The following DDX25 variants were observed in gnomAD, a reference collection of about 807,000 sequenced individuals.
The protein encoded by DDX25 is DEAD-box helicase 25, also known as ATP-dependent RNA helicase DDX25.
A neutral mutation model predicts 64.6 loss-of-function variants in DDX25; 70 were observed. The observed-to-expected ratio is 1.08, with a 90% CI of 0.89 to 1.32. The LOEUF is 1.32. DDX25 is among the 40% of genes most tolerant of loss of function. DDX25 has a pLI of 0.00. For synonymous variants in DDX25, 211 were observed against 213.3 expected (o/e 0.99, Z 0.09); for missense variants, 587 against 604.4 (o/e 0.97, Z 0.30).
At chr11:125,917,445 T>C (rs891878124) in intron 9 of DDX25, among the ~76,000 whole-genome samples, 194 bp downstream of exon 9, 2 of 152,234 alleles carry the variant, frequency 1.3e-5, no homozygotes, top group Admixed American at 6.5e-5. Flanking sequence ...AGTAATGGAA[T>C]AGGATCTTCA....
Position 125,923,572 on chromosome 11 carries a change from C to T in DDX25, c.*691C>T, listed in dbSNP as rs1591523041. On this transcript the variant is annotated 3_prime_UTR_variant, in exon 12 of 12. Coordinates refer to ENST00000263576, the MANE Select transcript of DDX25 (RefSeq NM_013264.5). ...ATTATGGGCATTTCTTAAAAGCAGT[C>T]GGGAGGGTAAAAAAAAAACCCACAT... 1 of 84,000 alleles carries T rather than the reference C, an allele frequency of 1.2e-5. No individual in the cohort carries two copies. The highest frequency in any genetic ancestry group is 2.5e-5 in the Non-Finnish European group (1 of 40,024). The allele number at this position is 84,000 out of a possible 1,614,324, so 5.2% of individuals were successfully genotyped here.
Position 125,921,369 on chromosome 11 carries a change from G to C in DDX25, c.1380G>C (p.Gln460His). ...VDELPSLMKI[Q>H]DHFNSSIKQL... Reference sequence around the variant, plus strand: ...AGCTGCCCTCGCTCATGAAAATCCAGGACCACTTTAGTAAGTAGCACCACC... The same window carrying C: ...AGCTGCCCTCGCTCATGAAAATCCACGACCACTTTAGTAAGTAGCACCACC... The change falls in exon 11 of 12, where the codon CAG becomes CAC. Residue 460 changes from glutamine to histidine, a missense_variant. Gln to His is a conservative substitution (Grantham distance 24, BLOSUM62 0). Transcript: ENST00000263576. The surrounding 1 kb of genome is among the most constrained non-coding windows in gnomAD (Gnocchi z 4.1). The C allele has an allele frequency of 6.2e-7, 1 of 1,613,562 alleles. No homozygotes were observed. The highest frequency in any genetic ancestry group is 8.5e-7 in the Non-Finnish European group (1 of 1,179,758).
At position 125,905,695 on chromosome 11, in the gene DDX25, C is replaced by G. The variant is rs1268123667; in HGVS notation, c.175+98C>G. On this transcript the variant is annotated intron_variant, in intron 3 of 11. Coordinates refer to ENST00000263576, the MANE Select transcript of DDX25 (RefSeq NM_013264.5). Reference sequence around the variant, plus strand: ...ATAATATAATCTCAATTGGAAAAGGCCTGTCTTTGCTTCTGTTTTCTTATA... The same window carrying G: ...ATAATATAATCTCAATTGGAAAAGGGCTGTCTTTGCTTCTGTTTTCTTATA... 3.2e-6 allele frequency: 4 copies of G among 1,234,846 alleles called. No homozygotes were observed. The Admixed American group carries it at 6.4e-5, about 20-fold the overall frequency. 76.5% of individuals were successfully genotyped at this position (1,234,846 alleles called of 1,614,324 possible).
intron 1 of DDX25, 69 bp from the exon 2 acceptor site, chr11:125,905,143 G>A: frequency 7.1e-7 from 1 of 1,411,256 alleles, no homozygotes; most frequent in Non-Finnish European, 9.8e-7. Flanking sequence ...CAGCCCCTGT[G>A]GTAGGGAAGC....
In DDX25 at chr11:125,904,545, G is replaced by T; in HGVS notation, c.28G>T (p.Ala10Ser). 6.7e-7 allele frequency: 1 copy of T among 1,498,434 alleles called. No homozygotes were observed. Among genetic ancestry groups the T allele is most frequent in the South Asian group, 1.3e-5 (1 of 77,022 alleles). The allele number at this position is 1,498,434 out of a possible 1,614,324, so 92.8% of individuals were successfully genotyped here. A position where few individuals can be genotyped will look rare whatever the true frequency, so the allele number is the denominator to read the frequency against. MASLLWGGD[A>S]GAAESERLNS... ...GGCGTCGTTACTGTGGGGAGGCGACGCAGGGGCGGCGGAGAGCGAGCGGCT... is the reference window on the plus strand; with the variant it reads ...GGCGTCGTTACTGTGGGGAGGCGACTCAGGGGCGGCGGAGAGCGAGCGGCT... The change falls in exon 1 of 12, where the codon GCA (alanine) becomes TCA (serine). Residue 10 changes from alanine (A) to serine (S), a missense_variant. By Grantham distance (99) the Ala-to-Ser change is moderately conservative (BLOSUM62 1). Coordinates refer to ENST00000263576, the MANE Select transcript of DDX25 (RefSeq NM_013264.5).
rs1455153796 is a variant in DDX25 at position 125,928,667 on chromosome 11, A to C, written c.*5786A>C. ...AACTTTTCTGGTTTATGTTTCTCTT[A>C]GTACAAGCAAGATTATATTTTTTAA... On this transcript the variant is annotated 3_prime_UTR_variant, in exon 12 of 12. Transcript: ENST00000263576. 6.6e-6 allele frequency: 1 copy of C among 152,240 alleles called. No homozygotes were observed. Among genetic ancestry groups the C allele is most frequent in the Non-Finnish European group, 1.5e-5 (1 of 68,026 alleles). 9.4% of individuals were successfully genotyped at this position (152,240 alleles called of 1,614,324 possible). A position where few individuals can be genotyped will look rare whatever the true frequency, so the allele number is the denominator to read the frequency against.
chr11:125,905,048 C>T (rs1046519854), intron 1 of DDX25, among the ~76,000 whole-genome samples, 164 bp from the exon 2 acceptor site: 6 of 152,164 alleles, frequency 3.9e-5, no homozygotes, highest in African/African-American at 1.4e-4. Flanking sequence ...GTAACTCATA[C>T]AGGAAACCCA....
rs1945115547 is a variant in DDX25, at chr11:125,921,500, G to T, written c.1390+121G>T. 8.7e-7 allele frequency: 1 copy of T among 1,147,012 alleles called. No homozygotes were observed. Among genetic ancestry groups the T allele is most frequent in the Non-Finnish European group, 1.2e-6 (1 of 832,158 alleles). The allele number at this position is 1,147,012 out of a possible 1,614,324, so 71.1% of individuals were successfully genotyped here. A position where few individuals can be genotyped will look rare whatever the true frequency, so the allele number is the denominator to read the frequency against. On this transcript the variant is annotated intron_variant, in intron 11 of 11. Coordinates refer to ENST00000263576, the MANE Select transcript of DDX25 (RefSeq NM_013264.5). The surrounding 1 kb of genome is among the most constrained non-coding windows in gnomAD (Gnocchi z 4.1). ...TAGTAGAAGCAGAATGCATGAGCTG[G>T]AAGGCTTCTAATTCACAGGACCAGG...
chr11:125,917,147 A>G lies in DDX25; in HGVS notation c.934A>G (p.Ile312Val). 1 of 1,611,226 alleles carries G rather than the reference A, an allele frequency of 6.2e-7. No homozygotes were observed. Among genetic ancestry groups the G allele is most frequent in the Non-Finnish European group, 8.5e-7 (1 of 1,178,940 alleles). ...CAAAGAGGAGCTCACACTGAACAAC[A>G]TCCGGCAATATTACGTGCTGTGTGA... is the stretch of plus-strand genomic sequence containing the variant. ...LRKEELTLNN[I>V]RQYYVLCEHR... The change falls in exon 9 of 12, where the codon ATC becomes GTC. Residue 312 changes from isoleucine to valine, a missense_variant. Transcript: ENST00000263576.
chr11:125,908,300 G>T lies in DDX25; in HGVS notation c.404+12G>T, dbSNP rs769611542. 6.2e-7 allele frequency: 1 copy of T among 1,613,568 alleles called. No homozygotes were observed. The highest frequency in any genetic ancestry group is 8.5e-7 in the Non-Finnish European group (1 of 1,179,748). On this transcript the variant is annotated intron_variant, in intron 5 of 11. Transcript: ENST00000263576. ...ATGCTGGCACATCCGTGAGTTTCCAGGGTAGTGGTATTCTACTTGGTTATG... is the reference window on the plus strand; with the variant it reads ...ATGCTGGCACATCCGTGAGTTTCCATGGTAGTGGTATTCTACTTGGTTATG...
chr11:125,904,550 G>A lies in DDX25; in HGVS notation c.33G>A (p.Gly11=). The part of the protein sequence containing the change: MASLLWGGDA[G]AAESERLNSH... ...CGTTACTGTGGGGAGGCGACGCAGG[G>A]GCGGCGGAGAGCGAGCGGCTGAACA... Residue 11 remains glycine, a synonymous_variant, in exon 1 of 12, where the codon GGG becomes GGA. Transcript: ENST00000263576. The A allele has an allele frequency of 1.3e-6, 2 of 1,500,006 alleles. No individual in the cohort carries two copies. Among genetic ancestry groups the A allele is most frequent in the East Asian group, 2.6e-5 (1 of 39,200 alleles). The allele number at this position is 1,500,006 out of a possible 1,614,324, so 92.9% of individuals were successfully genotyped here.
intron 7 of DDX25, among the ~76,000 whole-genome samples, chr11:125,911,065 C>A (rs1353119891): frequency 2.0e-5 from 3 of 151,948 alleles, no homozygotes; most frequent in Non-Finnish European, 2.9e-5. Flanking sequence ...TTTAATGTAA[C>A]CTATTGATGG....
upstream of DDX25, chr11:125,904,245 GC>G: frequency 3.0e-6 from 1 of 332,694 alleles, no homozygotes; most frequent in Non-Finnish European, 5.4e-6. Context: ...TGCCCCCTCT[GC>G]CCTCCGGTCC....
rs1455455450 is a variant in DDX25 at position 125,924,367 on chromosome 11, A to G, written c.*1486A>G. The stretch of plus-strand genomic sequence containing the variant: ...AGGAGGTGAGTGAGATACAACAGCC[A>G]TGTTGGAATTCAGAGCCTAATGGCA... On this transcript the variant is annotated 3_prime_UTR_variant, in exon 12 of 12. Transcript: ENST00000263576. 3 of 152,306 alleles carry G rather than the reference A, an allele frequency of 2.0e-5. No individual in the cohort carries two copies. Among genetic ancestry groups the G allele is most frequent in the Non-Finnish European group, 4.4e-5 (3 of 68,120 alleles). 9.4% of individuals were successfully genotyped at this position (152,306 alleles called of 1,614,324 possible).
At chr11:125,919,699 A>G (rs1244031712) in intron 10 of DDX25, among the ~76,000 whole-genome samples, 1 of 152,104 alleles carries the variant, frequency 6.6e-6, no homozygotes, top group Non-Finnish European at 1.5e-5. Flanking sequence ...CTAGGAGTGG[A>G]TGCTGACTCT....
chr11:125,904,305 GCCCCGCTCTCTGCCCC>G, upstream of DDX25: 3 of 376,610 alleles, frequency 8.0e-6, no homozygotes, highest in Non-Finnish European at 1.4e-5. Context: ...TCTGCCCTCC[GCCCCGCTCTCTGCCCC>G]CCGCCCCGCT....
chr11:125,904,132 G>C (rs1413009431), upstream of DDX25, among the ~76,000 whole-genome samples: 2 of 152,208 alleles, frequency 1.3e-5, no homozygotes, highest in Admixed American at 1.3e-4. Context: ...AACCGACACG[G>C]GGCGTAAAGC....
intron 4 of DDX25, 124 bp downstream of exon 4, chr11:125,906,333 T>TA (rs2134272577): frequency 2.2e-6 from 2 of 889,480 alleles, no homozygotes; most frequent in Non-Finnish European, 1.6e-6. Context: ...TTTTTTTTGT[T>TA]ATTTGAGACA....
rs59922474 is a variant in DDX25 at position 125,924,049 on chromosome 11, C to CTT, written c.*1168_*1169insTT. ...TTGGGAGGCCAAGGAGGGCGGATCA[C>CTT]GAGGTCAGGAGTTAAGACCAGCCTT... On this transcript the variant is annotated 3_prime_UTR_variant, in exon 12 of 12. Coordinates refer to ENST00000263576, the MANE Select transcript of DDX25 (RefSeq NM_013264.5). The CTT allele has an allele frequency of 6.6e-6, 1 of 152,200 alleles. No individual in the cohort carries two copies. The highest frequency in any genetic ancestry group is 1.5e-5 in the Non-Finnish European group (1 of 68,098). The allele number at this position is 152,200 out of a possible 1,614,324, so 9.4% of individuals were successfully genotyped here.
Sources: allele counts gnomAD v4.1 joint callset (sites outside exome capture counted in the v4.1 genomes callset), GRCh38; gene constraint gnomAD v4.1.1; non-coding constraint Gnocchi (gnomAD v3.1); transcripts MANE v1.5; gene names NCBI Gene and HGNC (gene_info 2026-07-23, HGNC 2026-07-21).